Variants in TMED10 observed in about 807,000 individuals in gnomAD.
TMED10 encodes transmembrane p24 trafficking protein 10, also known as transmembrane emp24 domain-containing protein 10.
TMED10 carries 7 observed loss-of-function variants against 23.1 expected under a neutral mutation model. That is an observed-to-expected ratio of 0.30 (90% CI 0.17 to 0.57). TMED10 has a LOEUF of 0.57. Among genes scored for constraint, TMED10 ranks in the 20% least tolerant of loss-of-function variants. The pLI is 0.91. For missense variants in TMED10, 162 were observed against 274.8 expected (o/e 0.59, Z 2.90); for synonymous variants, 113 against 106.9 (o/e 1.06, Z -0.35).
intron 2 of TMED10, among the ~76,000 whole-genome samples, chr14:75,149,753 G>A (rs189126833): frequency 5.9e-5 from 9 of 152,346 alleles, no homozygotes; most frequent in African/African-American, 1.9e-4. Context: ...AGACGGCAAA[G>A]CATGAGCAAA....
Position 75,176,226 on chromosome 14 carries a change from C to A in TMED10, c.225+129G>T. Reference sequence around the variant, plus strand: ...GGGTGAGGGGGCGGGCTCCACCGCACGTCCTTTGCGCTCCCGGGAGGCCAG... The same window carrying A: ...GGGTGAGGGGGCGGGCTCCACCGCAAGTCCTTTGCGCTCCCGGGAGGCCAG... On this transcript the variant is annotated intron_variant, in intron 1 of 4. Coordinates refer to ENST00000303575, the MANE Select transcript of TMED10 (RefSeq NM_006827.6). 2.5e-6 allele frequency: 3 copies of A among 1,178,684 alleles called. No individual in the cohort carries two copies. The Admixed American group carries it at 7.2e-5, about 28-fold the overall frequency. 73.0% of individuals were successfully genotyped at this position (1,178,684 alleles called of 1,614,324 possible).
At chr14:75,140,388 T>C (rs182656343) in intron 3 of TMED10, among the ~76,000 whole-genome samples, 119 of 150,306 alleles carry the variant, frequency 7.9e-4, no homozygotes, top group Admixed American at 2.3e-3. Flanking sequence ...CGTGAGCCAC[T>C]GGGCCTGGCC....
At chr14:75,162,838 T>C (rs553414170) in intron 1 of TMED10, among the ~76,000 whole-genome samples, 2 of 152,114 alleles carry the variant, frequency 1.3e-5, no homozygotes, top group South Asian at 2.1e-4. Flanking sequence ...ATCTCTGTGG[T>C]CTTCCTCCCC....
At chr14:75,163,781 T>C (rs1213159638) in intron 1 of TMED10, among the ~76,000 whole-genome samples, 2 of 151,920 alleles carry the variant, frequency 1.3e-5, no homozygotes, top group East Asian at 3.8e-4. Context: ...ACATACATCA[T>C]AAGGTTATTG....
rs1047101477 is a variant in TMED10 at position 75,154,131 on chromosome 14, C to T, written c.226-1988G>A. Among the ~76,000 whole-genome samples, 24 of 149,598 alleles carry T rather than the reference C, an allele frequency of 1.6e-4. 3 individuals are homozygous for T. The highest frequency in any genetic ancestry group is 1.3e-3 in the Admixed American group (19 of 15,058). Reference sequence around the variant, plus strand: ...TCTGCCAGGTGCAGTGGCTCACGCACCTGTAATCCCAGCACTTTGGGAGGC... The same window carrying T: ...TCTGCCAGGTGCAGTGGCTCACGCATCTGTAATCCCAGCACTTTGGGAGGC... On this transcript the variant is annotated intron_variant, in intron 1 of 4. Coordinates refer to ENST00000303575, the MANE Select transcript of TMED10 (RefSeq NM_006827.6).
chr14:75,153,299 G>T (rs1895978021), intron 1 of TMED10, among the ~76,000 whole-genome samples: 1 of 151,326 alleles, frequency 6.6e-6, no homozygotes, highest in Non-Finnish European at 1.5e-5. Context: ...AAAACAAAAA[G>T]GAGAGAAATT....
chr14:75,158,925 A>G (rs1207087828), intron 1 of TMED10, among the ~76,000 whole-genome samples: 1 of 152,008 alleles, frequency 6.6e-6, no homozygotes, highest in South Asian at 2.1e-4. Context: ...ATTCCGTTTC[A>G]AAATAAATAA....
intron 1 of TMED10, among the ~76,000 whole-genome samples, chr14:75,156,073 G>A (rs893434160): frequency 6.5e-4 from 99 of 152,132 alleles, no homozygotes; most frequent in African/African-American, 2.3e-3. Context: ...AGTACAAAGT[G>A]GAAGGGCAAT....
chr14:75,152,848 G>A (rs1288098183), intron 1 of TMED10, among the ~76,000 whole-genome samples: 2 of 152,046 alleles, frequency 1.3e-5, no homozygotes, highest in Non-Finnish European at 2.9e-5. Context: ...GGCTGGGCGC[G>A]GTGGCTCACG....
chr14:75,146,264 G>A (rs1431817743), intron 3 of TMED10, among the ~76,000 whole-genome samples: 2 of 152,172 alleles, frequency 1.3e-5, no homozygotes, highest in East Asian at 3.9e-4. Flanking sequence ...AACAAGGAAA[G>A]AGCTGCAACT....
At chr14:75,170,107 G>T (rs1033801953) in intron 1 of TMED10, among the ~76,000 whole-genome samples, 2 of 151,252 alleles carry the variant, frequency 1.3e-5, no homozygotes, top group Non-Finnish European at 3.0e-5. Context: ...GGCGCCTGTA[G>T]TCCCAGCTAC....
chr14:75,164,532 AATATATATATATATATATATATAT>A (rs368412262), intron 1 of TMED10, among the ~76,000 whole-genome samples: 26 of 54,438 alleles, frequency 4.8e-4, no homozygotes, highest in Admixed American at 4.6e-3. Context: ...CACCTGGCCT[AATATATATATATATATATATATAT>A]ATATATATAT....
intron 3 of TMED10, among the ~76,000 whole-genome samples, chr14:75,144,949 G>A (rs190110120): frequency 8.7e-4 from 133 of 152,298 alleles, no homozygotes; most frequent in Middle Eastern, 6.8e-3. Flanking sequence ...GTGAGCCACC[G>A]TGCCCTGCCA....
chr14:75,172,203 A>T (rs770344768), intron 1 of TMED10, among the ~76,000 whole-genome samples: 8 of 152,216 alleles, frequency 5.3e-5, no homozygotes, highest in Non-Finnish European at 1.2e-4. Flanking sequence ...GGAAGAGGAG[A>T]CTGCTCTAGA....
chr14:75,172,583 C>G (rs950004696), intron 1 of TMED10, among the ~76,000 whole-genome samples: 8 of 152,152 alleles, frequency 5.3e-5, no homozygotes, highest in Non-Finnish European at 1.2e-4. Flanking sequence ...GCTGGGATTA[C>G]AGGCATGAGC....
At chr14:75,144,403 CAT>C (rs377476282) in intron 3 of TMED10, among the ~76,000 whole-genome samples, 1 of 152,314 alleles carries the variant, frequency 6.6e-6, no homozygotes, top group East Asian at 1.9e-4. Context: ...AGGACAAAGG[CAT>C]TCTTTCTCTT....
At chr14:75,176,293 G>A in intron 1 of TMED10, 62 bp downstream of exon 1, 9 of 1,595,542 alleles carry the variant, frequency 5.6e-6, no homozygotes, top group Non-Finnish European at 7.7e-6. Context: ...CCCCGAACCC[G>A]AGCCTCCCCT....
rs1895709154 is a variant in TMED10, at chr14:75,133,267, A to G, written c.*1618T>C. 1 of 152,256 alleles carries G rather than the reference A, an allele frequency of 6.6e-6. No individual in the cohort carries two copies. Among genetic ancestry groups the G allele is most frequent in the African/African-American group, 2.4e-5 (1 of 41,464 alleles). The allele number at this position is 152,256 out of a possible 1,614,324, so 9.4% of individuals were successfully genotyped here. A position where few individuals can be genotyped will look rare whatever the true frequency, so the allele number is the denominator to read the frequency against. ...AACAGAGGAATTTTATCTAGGATATATAAAAAACCTCTCAAAACTCAATAG... is the reference window on the plus strand; with the variant it reads ...AACAGAGGAATTTTATCTAGGATATGTAAAAAACCTCTCAAAACTCAATAG... On this transcript the variant is annotated 3_prime_UTR_variant, in exon 5 of 5. Transcript: ENST00000303575.
At chr14:75,163,572 A>C (rs1038858309) in intron 1 of TMED10, among the ~76,000 whole-genome samples, 3 of 150,752 alleles carry the variant, frequency 2.0e-5, no homozygotes, top group African/African-American at 7.4e-5. Flanking sequence ...AAAAAAAAAA[A>C]AAAAAGAACG....
Sources: gnomAD v4.1 joint callset for allele counts (sites outside exome capture counted in the v4.1 genomes callset) on GRCh38, gnomAD v4.1.1 for gene constraint, MANE v1.5 for transcripts, NCBI Gene and HGNC (gene_info 2026-07-23, HGNC 2026-07-21) for gene names.